Variants in KCNQ3 observed in about 807,000 individuals in gnomAD.
The protein encoded by KCNQ3 is potassium voltage-gated channel subfamily KQT member 3.
In KCNQ3, 30 loss-of-function variants were observed where a neutral mutation model predicts 92.5. That is an observed-to-expected ratio of 0.32 (90% CI 0.24 to 0.44). The LOEUF (loss-of-function observed/expected upper bound fraction) is 0.44, where lower values mean the gene tolerates loss of function less well. Among genes scored for constraint, KCNQ3 ranks in the 20% least tolerant of loss-of-function variants. KCNQ3 has a pLI of 1.00. For missense variants in KCNQ3, 913 were observed against 1,140.3 expected, an observed-to-expected ratio of 0.80 and a Z score of 2.87; for synonymous variants, 450 against 468.8, an observed-to-expected ratio of 0.96 and a Z score of 0.52.
chr8:132,207,947 G>A (rs924026464), intron 1 of KCNQ3, among the ~76,000 whole-genome samples: 10 of 148,222 alleles, frequency 6.7e-5, no homozygotes, highest in Admixed American at 2.7e-4. Flanking sequence ...AAAAAAGAAC[G>A]TGCATCACAC....
At chr8:132,317,529 C>T (rs1410371144) in intron 1 of KCNQ3, among the ~76,000 whole-genome samples, 5 of 152,168 alleles carry the variant, frequency 3.3e-5, no homozygotes, top group Non-Finnish European at 7.3e-5. Flanking sequence ...GCTGTGAAGG[C>T]GTCCAGTCAC....
Position 132,143,045 on chromosome 8 carries a change from C to G in KCNQ3, c.1263-1714G>C, listed in dbSNP as rs79199837. On this transcript the variant is annotated intron_variant, in intron 9 of 14. Coordinates refer to ENST00000388996, the MANE Select transcript of KCNQ3 (RefSeq NM_004519.4). ...CATTAAGAAACCTTTGAAAAACAAA[C>G]GAGTGAATGAATGAATGAGTATATG... 4.9e-3 allele frequency among the ~76,000 whole-genome samples: 750 copies of G among 152,220 alleles called. 5 individuals are homozygous for G. Among genetic ancestry groups the G allele is most frequent in the Middle Eastern group, 0.034 (10 of 294 alleles).
At chr8:132,312,630 T>A (rs1229598148) in intron 1 of KCNQ3, among the ~76,000 whole-genome samples, 1 of 152,194 alleles carries the variant, frequency 6.6e-6, no homozygotes, top group Non-Finnish European at 1.5e-5. Context: ...AGAGACCTGG[T>A]AGGAGGTGAC....
intron 9 of KCNQ3, among the ~76,000 whole-genome samples, chr8:132,153,647 C>T (rs1360450581): frequency 6.6e-6 from 1 of 152,012 alleles, no homozygotes; most frequent in East Asian, 1.9e-4. Flanking sequence ...GTATTCATGG[C>T]ATAAATGAGG....
chr8:132,461,544 G>T (rs374027325), intron 1 of KCNQ3, among the ~76,000 whole-genome samples: 1 of 152,076 alleles, frequency 6.6e-6, no homozygotes, highest in Non-Finnish European at 1.5e-5. Context: ...CAGCCTGGGC[G>T]ACAAGAGCAG....
chr8:132,159,414 A>C (rs1013147171), intron 9 of KCNQ3, among the ~76,000 whole-genome samples: 4 of 152,160 alleles, frequency 2.6e-5, no homozygotes, highest in African/African-American at 9.7e-5. Flanking sequence ...CACTCACTCT[A>C]ACAGGTGGAA....
At chr8:132,183,517 T>A (rs1826861896) in intron 3 of KCNQ3, among the ~76,000 whole-genome samples, 1 of 146,726 alleles carries the variant, frequency 6.8e-6, no homozygotes, top group East Asian at 2.0e-4. Context: ...AACCTTCCCA[T>A]GGATTTGAAG....
intron 1 of KCNQ3, among the ~76,000 whole-genome samples, chr8:132,385,972 A>G (rs1819881424): frequency 6.6e-6 from 1 of 152,192 alleles, no homozygotes; most frequent in Admixed American, 6.5e-5. Flanking sequence ...TGTATCTACT[A>G]GAAACACATT....
chr8:132,236,934 A>G (rs1814835474), intron 1 of KCNQ3, among the ~76,000 whole-genome samples: 1 of 152,204 alleles, frequency 6.6e-6, no homozygotes, highest in Non-Finnish European at 1.5e-5. Flanking sequence ...CCAGCAAGGA[A>G]ACAGAGACCT....
intron 1 of KCNQ3, chr8:132,277,823 T>C (rs749762052): frequency 3.0e-5 from 14 of 463,812 alleles, no homozygotes; most frequent in Non-Finnish European, 3.7e-5. Context: ...CTTCTGGCCT[T>C]AGACTGAATC....
chr8:132,382,085 G>A (rs1404508915), intron 1 of KCNQ3, among the ~76,000 whole-genome samples: 1 of 152,266 alleles, frequency 6.6e-6, no homozygotes, highest in East Asian at 1.9e-4. Context: ...AGGCTGGCCA[G>A]AAGGCATACT....
intron 1 of KCNQ3, among the ~76,000 whole-genome samples, chr8:132,240,095 C>G (rs186421794): frequency 3.2e-4 from 49 of 152,026 alleles, no homozygotes; most frequent in African/African-American, 1.1e-3. Flanking sequence ...ACTGCAGGAA[C>G]GCTATCTTCA....
At chr8:132,333,737 T>A (rs934300811) in intron 1 of KCNQ3, among the ~76,000 whole-genome samples, 5 of 45,684 alleles carry the variant, frequency 1.1e-4, no homozygotes, top group East Asian at 1.0e-3. Flanking sequence ...ATGAAACAAA[T>A]TTTTTTTTTT....
intron 1 of KCNQ3, among the ~76,000 whole-genome samples, chr8:132,348,478 T>C (rs926130595): frequency 6.6e-6 from 1 of 152,238 alleles, no homozygotes; most frequent in Admixed American, 6.5e-5. Context: ...CTTTCTGTGA[T>C]GGGAGAAGCA....
chr8:132,227,355 C>T (rs1814464383), intron 1 of KCNQ3, among the ~76,000 whole-genome samples: 2 of 152,154 alleles, frequency 1.3e-5, no homozygotes, highest in East Asian at 1.9e-4. Flanking sequence ...CCACCACACC[C>T]GGCCCCACTG....
intron 1 of KCNQ3, among the ~76,000 whole-genome samples, chr8:132,218,856 T>C (rs910422229): frequency 6.6e-6 from 1 of 152,164 alleles, no homozygotes; most frequent in Admixed American, 6.5e-5. Flanking sequence ...CAGAAACACA[T>C]GGAGGCCCAG....
In KCNQ3 at chr8:132,448,334, T is replaced by G. The variant is rs73347752; in HGVS notation, c.386+31813A>C. ...CCTTCTTGATCTCCTTTGGGGTCCA[T>G]GAGCAAGCAAGATCCCTGGGACGCC... On this transcript the variant is annotated intron_variant, in intron 1 of 14. Transcript: ENST00000388996. Among the ~76,000 whole-genome samples the G allele has an allele frequency of 3.3e-5, 5 of 151,772 alleles. No individual in the cohort carries two copies. The South Asian group carries it at 8.3e-4, about 25-fold the overall frequency.
At chr8:132,286,605 G>T (rs764592109) in intron 1 of KCNQ3, among the ~76,000 whole-genome samples, 2 of 152,166 alleles carry the variant, frequency 1.3e-5, no homozygotes, top group Admixed American at 1.3e-4. Flanking sequence ...GTTGGTGCTA[G>T]AATGAATTAA....
intron 1 of KCNQ3, among the ~76,000 whole-genome samples, chr8:132,382,219 C>A (rs956044994): frequency 6.6e-6 from 1 of 152,150 alleles, no homozygotes; most frequent in Non-Finnish European, 1.5e-5. Context: ...AATGTGATCC[C>A]CGGTGTTGGA....
Sources: allele counts gnomAD v4.1 joint callset (sites outside exome capture counted in the v4.1 genomes callset), GRCh38; gene constraint gnomAD v4.1.1; transcripts MANE v1.5; gene names NCBI Gene and HGNC (gene_info 2026-07-23, HGNC 2026-07-21).